PLCB1: variants seen among roughly 807,000 people sequenced by gnomAD.
PLCB1 encodes the protein 1-phosphatidylinositol 4,5-bisphosphate phosphodiesterase beta-1.
Under a neutral mutation model 161.8 loss-of-function variants are expected in PLCB1, and 46 were observed. The observed-to-expected ratio is 0.28, with a 90% CI of 0.22 to 0.36. The LOEUF (loss-of-function observed/expected upper bound fraction) is 0.36. PLCB1 is among the 10% of genes least tolerant of loss of function. PLCB1 has a pLI of 1.00. For synonymous variants in PLCB1, 517 were observed against 503.7 expected, an observed-to-expected ratio of 1.03 and a Z score of -0.35; for missense variants, 1,016 against 1,472.5, an observed-to-expected ratio of 0.69 and a Z score of 5.07.
In PLCB1 at chr20:8,882,835, A is replaced by ATGAT. The variant is rs1019283798; in HGVS notation, c.*987_*990dup. ...AGAGAATACAAAGACCCACATGTAA[A>ATGAT]TGATAGGTATTATCTCCATGTATAT... On this transcript the variant is annotated 3_prime_UTR_variant, in exon 32 of 32. Transcript: ENST00000338037. The ATGAT allele has an allele frequency of 1.2e-4, 18 of 152,628 alleles. No individual in the cohort carries two copies. Among genetic ancestry groups the ATGAT allele is most frequent in the African/African-American group, 3.8e-4 (16 of 41,584 alleles). 9.5% of individuals were successfully genotyped at this position (152,628 alleles called of 1,614,324 possible). A position where few individuals can be genotyped will look rare whatever the true frequency, so the allele number is the denominator to read the frequency against.
At chr20:8,777,118 G>C (rs1982981221) in intron 27 of PLCB1, among the ~76,000 whole-genome samples, 1 of 152,094 alleles carries the variant, frequency 6.6e-6, no homozygotes, top group Admixed American at 6.5e-5. Context: ...AGGATTATAG[G>C]GCATCAGGTC....
chr20:8,395,626 C>T (rs1340972574), intron 3 of PLCB1, among the ~76,000 whole-genome samples: 1 of 151,856 alleles, frequency 6.6e-6, no homozygotes, highest in Non-Finnish European at 1.5e-5. Context: ...GTTTATAAAA[C>T]TTTGAGAAAG....
At chr20:8,871,533 T>G (rs144894703) in intron 31 of PLCB1, among the ~76,000 whole-genome samples, 6 of 152,314 alleles carry the variant, frequency 3.9e-5, no homozygotes, top group African/African-American at 1.4e-4. Flanking sequence ...TGGCACTCAT[T>G]CAGTCCAATG....
At chr20:8,285,015 T>C (rs1983045769) in intron 2 of PLCB1, among the ~76,000 whole-genome samples, 1 of 152,046 alleles carries the variant, frequency 6.6e-6, no homozygotes, top group African/African-American at 2.4e-5. Context: ...ATTGTTATGG[T>C]ATTTTTATTT....
intron 2 of PLCB1, among the ~76,000 whole-genome samples, chr20:8,162,078 T>G (rs1051269102): frequency 6.6e-6 from 1 of 152,208 alleles, no homozygotes; most frequent in Non-Finnish European, 1.5e-5. Flanking sequence ...AGTCTCAATA[T>G]CTAAGGTTGA....
chr20:8,733,527 A>G (rs1016280143), intron 19 of PLCB1, 135 bp downstream of exon 19: 19 of 785,972 alleles, frequency 2.4e-5, no homozygotes, highest in Non-Finnish European at 3.2e-5. Context: ...TTTTTTCTCT[A>G]AAGATCAAAT....
At chr20:8,574,784 G>A (rs1210131564) in intron 3 of PLCB1, among the ~76,000 whole-genome samples, 1 of 152,198 alleles carries the variant, frequency 6.6e-6, no homozygotes, top group African/African-American at 2.4e-5. Flanking sequence ...TTGGTTGATG[G>A]TTGTTTCCAG....
intron 2 of PLCB1, among the ~76,000 whole-genome samples, chr20:8,240,138 T>C (rs912368191): frequency 1.3e-5 from 2 of 151,878 alleles, no homozygotes; most frequent in Non-Finnish European, 2.9e-5. Flanking sequence ...AACCATAATC[T>C]ATGATTTTTT....
At chr20:8,481,200 A>T (rs924806738) in intron 3 of PLCB1, among the ~76,000 whole-genome samples, 7 of 152,010 alleles carry the variant, frequency 4.6e-5, no homozygotes, top group Non-Finnish European at 1.0e-4. Context: ...TTAGTAATAA[A>T]TTTTTTATAA....
intron 4 of PLCB1, among the ~76,000 whole-genome samples, chr20:8,638,136 C>T (rs555933014): frequency 6.6e-6 from 1 of 152,184 alleles, no homozygotes; most frequent in African/African-American, 2.4e-5. Context: ...CCTCACAATC[C>T]GCCCACCTCG....
chr20:8,192,418 A>T (rs6118097), intron 2 of PLCB1, among the ~76,000 whole-genome samples: 1 of 151,966 alleles, frequency 6.6e-6, no homozygotes, highest in Admixed American at 6.6e-5. Context: ...TAAAGGACAG[A>T]TATCACTCAC....
At chr20:8,767,150 C>G (rs2146194670) in intron 26 of PLCB1, among the ~76,000 whole-genome samples, 1 of 152,252 alleles carries the variant, frequency 6.6e-6, no homozygotes, top group Non-Finnish European at 1.5e-5. Context: ...ATCAGTGCAT[C>G]TCAAATTTCA....
At chr20:8,603,516 A>G (rs558841482) in intron 3 of PLCB1, among the ~76,000 whole-genome samples, 1 of 152,310 alleles carries the variant, frequency 6.6e-6, no homozygotes, top group Admixed American at 6.5e-5. Context: ...CACAGGGGCC[A>G]TGCTTGTCCA....
intron 31 of PLCB1, among the ~76,000 whole-genome samples, chr20:8,860,430 T>G (rs1987215499): frequency 6.6e-6 from 1 of 152,228 alleles, no homozygotes; most frequent in South Asian, 2.1e-4. Context: ...TATCACTGAT[T>G]TGGCATTTCA....
intron 31 of PLCB1, among the ~76,000 whole-genome samples, chr20:8,877,625 C>G (rs139661476): frequency 4.6e-5 from 7 of 152,162 alleles, no homozygotes; most frequent in African/African-American, 1.7e-4. Flanking sequence ...GAGTTTGCAA[C>G]CCTTGGGCTG....
chr20:8,170,423 G>A (rs1288476094), intron 2 of PLCB1, among the ~76,000 whole-genome samples: 1 of 152,070 alleles, frequency 6.6e-6, no homozygotes, highest in Non-Finnish European at 1.5e-5. Context: ...CAAAATGTAA[G>A]TGGGAGAATC....
rs375963613 is a variant in PLCB1 at position 8,224,739 on chromosome 20, T to G, written c.177+74368T>G. On this transcript the variant is annotated intron_variant, in intron 2 of 31. Coordinates refer to ENST00000338037, the MANE Select transcript of PLCB1 (RefSeq NM_015192.4). ...GCCTGATCAAGAAATAAGACATTTC[T>G]GGCACCATCCCCCCGCCCACCACGC... Among the ~76,000 whole-genome samples, 274 of 152,276 alleles carry G rather than the reference T, an allele frequency of 1.8e-3. 3 individuals are homozygous for G. The South Asian group carries it at 0.021, about 12-fold the overall frequency.
intron 3 of PLCB1, among the ~76,000 whole-genome samples, chr20:8,414,140 C>CA (rs60727694): frequency 3.0e-4 from 42 of 141,646 alleles, no homozygotes; most frequent in African/African-American, 4.6e-4. Context: ...ACTATCAAGA[C>CA]AAAAAAAAAA....
chr20:8,296,337 G>A (rs1049646832), intron 2 of PLCB1, among the ~76,000 whole-genome samples: 1 of 152,112 alleles, frequency 6.6e-6, no homozygotes, highest in Non-Finnish European at 1.5e-5. Context: ...TGTTCTTTCA[G>A]GAATCATACA....
Sources: gnomAD v4.1 joint callset for allele counts (sites outside exome capture counted in the v4.1 genomes callset) on GRCh38, gnomAD v4.1.1 for gene constraint, MANE v1.5 for transcripts, NCBI Gene and HGNC (gene_info 2026-07-23, HGNC 2026-07-21) for gene names.